Variants in GRIA1 observed in about 807,000 individuals in gnomAD.
The protein encoded by GRIA1 is glutamate ionotropic receptor AMPA type subunit 1.
A neutral mutation model predicts 99.2 loss-of-function variants in GRIA1; 31 were observed. The observed-to-expected ratio is 0.31, with a 90% CI of 0.23 to 0.42. GRIA1 has a LOEUF of 0.42. Ranked by LOEUF, GRIA1 falls within the 10% of genes least tolerant of loss-of-function variation. GRIA1 has a pLI of 1.00. For synonymous variants in GRIA1, 438 were observed against 432.4 expected (o/e 1.01, Z -0.16); for missense variants, 782 against 1,157.5 (o/e 0.68, Z 4.71).
intron 7 of GRIA1, among the ~76,000 whole-genome samples, chr5:153,681,857 A>C (rs966694689): frequency 2.0e-5 from 3 of 152,038 alleles, no homozygotes; most frequent in African/African-American, 7.2e-5. Context: ...AACATAGTGA[A>C]ACCCTGTCTC....
At chr5:153,700,134 C>T (rs991495787) in intron 10 of GRIA1, among the ~76,000 whole-genome samples, 4 of 152,204 alleles carry the variant, frequency 2.6e-5, no homozygotes, top group African/African-American at 9.7e-5. Context: ...CCTATAATCC[C>T]AGCACCTTGG....
At chr5:153,721,311 T>C (rs6881792) in intron 11 of GRIA1, among the ~76,000 whole-genome samples, 79,377 of 151,920 alleles carry the variant, frequency 0.52, 21,665 homozygotes, top group East Asian at 0.94. Flanking sequence ...GAGTGAAGTT[T>C]CCCCACATCT....
At chr5:153,492,388 G>GT in intron 1 of GRIA1, 1 of 1,323,984 alleles carries the variant, frequency 7.6e-7, no homozygotes, top group African/African-American at 1.5e-5. Flanking sequence ...AGCCCAGCCC[G>GT]TAGCCTTCTA....
chr5:153,500,610 T>TACACACACACACACACACACAC (rs35636352), intron 2 of GRIA1, among the ~76,000 whole-genome samples: 1 of 120,122 alleles, frequency 8.3e-6, no homozygotes, highest in Admixed American at 8.8e-5. Flanking sequence ...CCCTCTTACA[T>TACACACACACACACACACACAC]ACACACACAC....
At chr5:153,658,062 G>A (rs1311539328) in intron 5 of GRIA1, among the ~76,000 whole-genome samples, 2 of 152,140 alleles carry the variant, frequency 1.3e-5, no homozygotes, top group Non-Finnish European at 2.9e-5. Context: ...AAAGGGGTGT[G>A]ACTTGGCCAA....
intron 13 of GRIA1, among the ~76,000 whole-genome samples, chr5:153,778,192 A>T (rs13185238): frequency 0.028 from 1,027 of 37,336 alleles, 17 homozygotes; most frequent in African/African-American, 0.11. Context: ...AGAGAGAGAG[A>T]GTGTGTGTGT....
At chr5:153,640,486 G>A (rs1488530940) in intron 2 of GRIA1, among the ~76,000 whole-genome samples, 3 of 152,144 alleles carry the variant, frequency 2.0e-5, no homozygotes, top group Non-Finnish European at 4.4e-5. Context: ...CAGTCATACT[G>A]GTGTTTCTGG....
chr5:153,708,833 G>A (rs756462550), intron 11 of GRIA1, among the ~76,000 whole-genome samples: 7 of 152,212 alleles, frequency 4.6e-5, no homozygotes, highest in Non-Finnish European at 1.0e-4. Context: ...GAACTGGGAG[G>A]AAGGGTTGGT....
chr5:153,734,852 G>A (rs1263392529), intron 11 of GRIA1, among the ~76,000 whole-genome samples: 7 of 152,194 alleles, frequency 4.6e-5, no homozygotes, highest in Non-Finnish European at 7.3e-5. Flanking sequence ...CAGGAACTTG[G>A]ATCTTATCTT....
intron 2 of GRIA1, among the ~76,000 whole-genome samples, chr5:153,633,360 A>G (rs904549868): frequency 1.3e-5 from 2 of 152,204 alleles, no homozygotes; most frequent in African/African-American, 2.4e-5. Context: ...CAGGATAGTG[A>G]GAAATGCCTT....
chr5:153,613,098 A>G (rs1459098816), intron 2 of GRIA1, among the ~76,000 whole-genome samples: 1 of 152,120 alleles, frequency 6.6e-6, no homozygotes, highest in East Asian at 1.9e-4. Context: ...TTTGGACTAA[A>G]GCTCCTTTTT....
intron 2 of GRIA1, among the ~76,000 whole-genome samples, chr5:153,528,583 T>C (rs535283840): frequency 6.6e-6 from 1 of 152,348 alleles, no homozygotes; most frequent in South Asian, 2.1e-4. Context: ...TTCCAGGTGA[T>C]GCTGATGCTG....
At chr5:153,731,347 G>A (rs1367125545) in intron 11 of GRIA1, among the ~76,000 whole-genome samples, 1 of 151,746 alleles carries the variant, frequency 6.6e-6, no homozygotes, top group Non-Finnish European at 1.5e-5. Context: ...TTTGCCTGGA[G>A]AGTCTATTCC....
At chr5:153,657,872 C>A (rs1240071611) in intron 5 of GRIA1, among the ~76,000 whole-genome samples, 1 of 152,168 alleles carries the variant, frequency 6.6e-6, no homozygotes, top group Non-Finnish European at 1.5e-5. Context: ...GGGTGGCTCT[C>A]CAGACACTTT....
At chr5:153,639,533 A>G (rs543103794) in intron 2 of GRIA1, among the ~76,000 whole-genome samples, 23 of 152,268 alleles carry the variant, frequency 1.5e-4, no homozygotes, top group South Asian at 1.2e-3. Flanking sequence ...CTCAGCTCCA[A>G]TGCTAGTGAC....
chr5:153,545,997 T>C (rs1431719478), intron 2 of GRIA1, among the ~76,000 whole-genome samples: 1 of 152,142 alleles, frequency 6.6e-6, no homozygotes, highest in East Asian at 1.9e-4. Flanking sequence ...GGGAACAAAG[T>C]GAGGGCCAAC....
chr5:153,680,064 G>A (rs922958627), intron 7 of GRIA1, among the ~76,000 whole-genome samples: 1 of 152,146 alleles, frequency 6.6e-6, no homozygotes, highest in African/African-American at 2.4e-5. Context: ...AAGTTATACA[G>A]CTAGCTAGTG....
Position 153,812,502 on chromosome 5 carries a change from G to T in GRIA1, c.*1277G>T, listed in dbSNP as rs1326873364. 2 of 152,198 alleles carry T rather than the reference G, an allele frequency of 1.3e-5. No homozygotes were observed. Among genetic ancestry groups the T allele is most frequent in the Non-Finnish European group, 2.9e-5 (2 of 68,042 alleles). The allele number at this position is 152,198 out of a possible 1,614,324, so 9.4% of individuals were successfully genotyped here. A position where few individuals can be genotyped will look rare whatever the true frequency, so the allele number is the denominator to read the frequency against. Reference sequence around the variant, plus strand: ...ATGCTCTGTCATCTTTAGAAAGTGAGATAACCAAGGAAATAATTGAAGGAG... The same window carrying T: ...ATGCTCTGTCATCTTTAGAAAGTGATATAACCAAGGAAATAATTGAAGGAG... On this transcript the variant is annotated 3_prime_UTR_variant, in exon 16 of 16. Coordinates refer to ENST00000285900, the MANE Select transcript of GRIA1 (RefSeq NM_000827.4).
intron 2 of GRIA1, among the ~76,000 whole-genome samples, chr5:153,626,538 G>GAGT (rs1767644160): frequency 1.3e-5 from 2 of 151,670 alleles, no homozygotes; most frequent in African/African-American, 4.8e-5. Context: ...ATCAGCATTT[G>GAGT]AGTTCATTGG....
Sources: gnomAD v4.1 joint callset for allele counts (sites outside exome capture counted in the v4.1 genomes callset) on GRCh38, gnomAD v4.1.1 for gene constraint, MANE v1.5 for transcripts, NCBI Gene and HGNC (gene_info 2026-07-23, HGNC 2026-07-21) for gene names.